DIAPH2: variants seen among roughly 807,000 people sequenced by gnomAD.
DIAPH2 encodes protein diaphanous homolog 2.
Under a neutral mutation model 92.7 loss-of-function variants are expected in DIAPH2, and 35 were observed. That is an observed-to-expected ratio of 0.38 (90% CI 0.29 to 0.50). The LOEUF is 0.50. DIAPH2 is among the 20% of genes least tolerant of loss of function. The pLI, the probability that DIAPH2 is intolerant of heterozygous loss-of-function variation, is 0.94. For synonymous variants in DIAPH2, 301 were observed against 280.4 expected (o/e 1.07, Z -0.73); for missense variants, 701 against 819.5 (o/e 0.86, Z 1.77).
At chrX:96,776,112 C>T (rs770926848) in intron 4 of DIAPH2, among the ~76,000 whole-genome samples, 1 of 111,948 alleles carries the variant, frequency 8.9e-6, no homozygotes, top group South Asian at 3.8e-4. Context: ...TGAAAAGCCA[C>T]AAGCAACTGT....
In DIAPH2 at chrX:97,346,804, A is replaced by G. The variant is rs1007872660; in HGVS notation, c.2845-1312A>G. On this transcript the variant is annotated intron_variant, in intron 23 of 26. Transcript: ENST00000324765. ...AGAGATAAGGACATTCTTTTCCTTCAGGTATAGGAGGAGCAGCTCTGAAAT... is the reference window on the plus strand; with the variant it reads ...AGAGATAAGGACATTCTTTTCCTTCGGGTATAGGAGGAGCAGCTCTGAAAT... 3.6e-5 allele frequency among the ~76,000 whole-genome samples: 4 copies of G among 111,126 alleles called. No homozygotes were observed. The East Asian group carries it at 1.1e-3, about 32-fold the overall frequency.
At position 96,775,977 on chromosome X, in the gene DIAPH2, A is replaced by G. The variant is rs546825440; in HGVS notation, c.447+17719A>G. On this transcript the variant is annotated intron_variant, in intron 4 of 26. Coordinates refer to ENST00000324765, the MANE Select transcript of DIAPH2 (RefSeq NM_006729.5). ...CCACCTTTTAGTGACACATACATCA[A>G]TGCATTTGTTCCTTTATTACTCAGT... 2.0e-4 allele frequency among the ~76,000 whole-genome samples: 22 copies of G among 111,566 alleles called. No homozygotes were observed. The South Asian group carries it at 8.0e-3, about 40-fold the overall frequency.
intron 22 of DIAPH2, among the ~76,000 whole-genome samples, chrX:97,221,778 C>T (rs974297868): frequency 1.8e-5 from 2 of 111,007 alleles, no homozygotes; most frequent in Admixed American, 9.6e-5. Flanking sequence ...TTAAAATTTC[C>T]TCCAAAATTT....
intron 26 of DIAPH2, among the ~76,000 whole-genome samples, chrX:97,535,643 G>T (rs1004870840): frequency 9.0e-6 from 1 of 110,586 alleles, no homozygotes; most frequent in African/African-American, 3.3e-5. Flanking sequence ...GTAGAGACGG[G>T]GTTTCACCAT....
intron 23 of DIAPH2, among the ~76,000 whole-genome samples, chrX:97,325,474 C>T (rs1433816906): frequency 8.9e-6 from 1 of 111,788 alleles, no homozygotes; most frequent in Non-Finnish European, 1.9e-5. Flanking sequence ...AATAGTTGTC[C>T]AGTCTGGGCA....
At chrX:97,483,677 C>G (rs1481240268) in intron 26 of DIAPH2, among the ~76,000 whole-genome samples, 1 of 111,746 alleles carries the variant, frequency 8.9e-6, no homozygotes, top group Non-Finnish European at 1.9e-5. Context: ...TCTTCATTTA[C>G]GTACCTAGCT....
rs1463972710 is a variant in DIAPH2 at position 96,942,115 on chromosome X, A to G, written c.1423A>G (p.Ile475Val). The stretch of plus-strand genomic sequence containing the variant: ...CTTCAAATACAGGCAAAGATTAGAC[A>G]TCGATTTAACTCATCTGATAGGTAT... Reference protein sequence around the residue: ...PDFKYRQRLDIDLTHLIDSCV... With the variant: ...PDFKYRQRLDVDLTHLIDSCV... Residue 475 changes from isoleucine to valine, a missense_variant, in exon 13 of 27, where the codon ATC becomes GTC. Coordinates refer to ENST00000324765, the MANE Select transcript of DIAPH2 (RefSeq NM_006729.5). 24 of 1,153,925 alleles carry G rather than the reference A, an allele frequency of 2.1e-5. No homozygotes were observed. Among genetic ancestry groups the G allele is most frequent in the Non-Finnish European group, 2.6e-5 (22 of 845,116 alleles).
intron 17 of DIAPH2, among the ~76,000 whole-genome samples, chrX:97,011,771 G>A (rs1322685607): frequency 9.3e-6 from 1 of 107,592 alleles, no homozygotes; most frequent in East Asian, 2.9e-4. Context: ...ACATGCCTGT[G>A]ATACCAGCTA....
intron 5 of DIAPH2, among the ~76,000 whole-genome samples, chrX:96,898,041 C>A (rs1439278847): frequency 3.5e-5 from 3 of 86,251 alleles, no homozygotes; most frequent in African/African-American, 8.7e-5. Context: ...CATGTCCCTA[C>A]AAAGGACATG....
intron 26 of DIAPH2, among the ~76,000 whole-genome samples, chrX:97,569,733 C>T (rs2147873230): frequency 9.1e-6 from 1 of 110,113 alleles, no homozygotes; most frequent in South Asian, 3.9e-4. Flanking sequence ...ATGGGATCAC[C>T]AGATGATCAT....
rs751572972 is a variant in DIAPH2 at position 97,136,112 on chromosome X, G to A, written c.2590-5553G>A. ...GAAGACAAGAAAACTCTGTACTTGT[G>A]TCCAGCATAGCTGAAGTGAGTGTGG... On this transcript the variant is annotated intron_variant, in intron 21 of 26. Transcript: ENST00000324765. Among the ~76,000 whole-genome samples, 3 of 112,239 alleles carry A rather than the reference G, an allele frequency of 2.7e-5. No individual in the cohort carries two copies. The South Asian group carries it at 1.1e-3, about 42-fold the overall frequency.
intron 22 of DIAPH2, among the ~76,000 whole-genome samples, chrX:97,151,403 A>G (rs1167294973): frequency 9.0e-6 from 1 of 111,660 alleles, no homozygotes; most frequent in African/African-American, 3.3e-5. Flanking sequence ...CATGCATTGT[A>G]TAAGTGTAAA....
intron 17 of DIAPH2, among the ~76,000 whole-genome samples, chrX:97,030,597 A>G (rs1451518617): frequency 1.8e-5 from 2 of 111,206 alleles, no homozygotes; most frequent in African/African-American, 6.5e-5. Flanking sequence ...GGAAATAACA[A>G]ATCACAAGAA....
At chrX:97,357,621 G>A (rs939105229) in intron 24 of DIAPH2, among the ~76,000 whole-genome samples, 1 of 110,912 alleles carries the variant, frequency 9.0e-6, no homozygotes, top group Non-Finnish European at 1.9e-5. Context: ...CCATACCCTC[G>A]TGATTAATAC....
rs761061170 is a variant in DIAPH2, at chrX:97,162,651, G to A, written c.2719+20857G>A. 1.4e-4 allele frequency among the ~76,000 whole-genome samples: 15 copies of A among 110,230 alleles called. No homozygotes were observed. In the South Asian group the frequency reaches 4.3e-3, roughly 32 times the overall value. ...CTACTGAGTAGCTGAGACTACAGGC[G>A]TGTGCCACCACACCCAGCTAATTTT... On this transcript the variant is annotated intron_variant, in intron 22 of 26. Transcript: ENST00000324765.
intron 22 of DIAPH2, among the ~76,000 whole-genome samples, chrX:97,216,652 G>A (rs1247146044): frequency 9.0e-6 from 1 of 110,684 alleles, no homozygotes; most frequent in Non-Finnish European, 1.9e-5. Context: ...AGAAGAAGGG[G>A]GTATATAGGA....
At chrX:96,724,314 A>C (rs1486289653) in intron 1 of DIAPH2, among the ~76,000 whole-genome samples, 1 of 111,846 alleles carries the variant, frequency 8.9e-6, no homozygotes, top group Non-Finnish European at 1.9e-5. Context: ...GTAACATTTA[A>C]TTTCAACCTA....
chrX:96,898,607 A>T (rs1394908052), intron 5 of DIAPH2, among the ~76,000 whole-genome samples: 2 of 106,900 alleles, frequency 1.9e-5, no homozygotes, highest in Non-Finnish European at 3.9e-5. Flanking sequence ...GTTTGAGTTC[A>T]TTGTAGATTC....
At chrX:97,398,202 C>T (rs1201187238) in intron 25 of DIAPH2, among the ~76,000 whole-genome samples, 2 of 111,973 alleles carry the variant, frequency 1.8e-5, no homozygotes, top group African/African-American at 6.5e-5. Context: ...TCCAGCATCA[C>T]CAGAATCCAT....
Sources: gnomAD v4.1 joint callset for allele counts (sites outside exome capture counted in the v4.1 genomes callset) on GRCh38, gnomAD v4.1.1 for gene constraint, MANE v1.5 for transcripts, NCBI Gene and HGNC (gene_info 2026-07-23, HGNC 2026-07-21) for gene names.